The following KAZN variants were observed in gnomAD, a reference collection of about 807,000 sequenced individuals.
KAZN encodes kazrin, periplakin interacting protein.
Under a neutral mutation model 87.4 loss-of-function variants are expected in KAZN, and 40 were observed. The ratio of observed to expected loss-of-function variants is 0.46; its 90% CI spans 0.36 to 0.60. The LOEUF is 0.60. KAZN is among the 20% of genes least tolerant of loss of function. The pLI, the probability that KAZN is intolerant of heterozygous loss-of-function variation, is 0.00. For synonymous variants in KAZN, 466 were observed against 458.3 expected (o/e 1.02, Z -0.22); for missense variants, 898 against 1,073.9 (o/e 0.84, Z 2.29).
intron 2 of KAZN, among the ~76,000 whole-genome samples, chr1:14,246,015 A>T (rs1478932587): frequency 1.3e-5 from 2 of 152,232 alleles, no homozygotes; most frequent in Non-Finnish European, 2.9e-5. Flanking sequence ...AAGGAACAGG[A>T]TCATATTCTT....
intron 2 of KAZN, among the ~76,000 whole-genome samples, chr1:14,274,707 G>A (rs192316219): frequency 2.6e-5 from 4 of 152,310 alleles, no homozygotes; most frequent in Non-Finnish European, 5.9e-5. Flanking sequence ...CATATTAGCT[G>A]TGACGTGGGG....
intron 1 of KAZN, among the ~76,000 whole-genome samples, chr1:13,900,637 TC>T (rs1195403912): frequency 6.6e-6 from 1 of 152,162 alleles, no homozygotes; most frequent in African/African-American, 2.4e-5. Context: ...GACCTATTTG[TC>T]AGAGGCAGGG....
chr1:15,007,737 C>T lies in KAZN; in HGVS notation c.419-27012C>T, dbSNP rs138864579. On this transcript the variant is annotated intron_variant, in intron 2 of 14. Transcript: ENST00000376030. ...CCCGGCAAAGTGGGTATCTCCACAG[C>T]GGAGGAGACTGGGAACAGCGCACTC... 6.6e-4 allele frequency among the ~76,000 whole-genome samples: 101 copies of T among 152,318 alleles called. 2 individuals carry two copies. In the East Asian group the frequency reaches 0.019, roughly 28 times the overall value.
chr1:14,983,556 C>T (rs1666480057), intron 2 of KAZN, among the ~76,000 whole-genome samples: 1 of 145,586 alleles, frequency 6.9e-6, no homozygotes, highest in African/African-American at 2.6e-5. Flanking sequence ...TACCCTTTGA[C>T]TCATCACTGC....
chr1:14,598,763 T>C lies in KAZN; in HGVS notation c.-235T>C. 1 of 1,343,000 alleles carries C rather than the reference T, an allele frequency of 7.4e-7. No individual in the cohort carries two copies. The highest frequency in any genetic ancestry group is 1.5e-5 in the African/African-American group (1 of 64,624). The allele number at this position is 1,343,000 out of a possible 1,614,324, so 83.2% of individuals were successfully genotyped here. On this transcript the variant is annotated 5_prime_UTR_variant, in exon 1 of 15. Coordinates refer to ENST00000376030, the MANE Select transcript of KAZN (RefSeq NM_201628.3). The surrounding 1 kb of genome is among the most constrained non-coding windows in gnomAD (Gnocchi z 4.2). ...CCTCCTCCTCCTTCTCCTCCTCTTTTTTCTCCTCCGCCTCCTCCCCCCGCC... is the reference window on the plus strand; with the variant it reads ...CCTCCTCCTCCTTCTCCTCCTCTTTCTTCTCCTCCGCCTCCTCCCCCCGCC...
intron 2 of KAZN, among the ~76,000 whole-genome samples, chr1:14,386,979 A>G (rs1173830729): frequency 2.0e-5 from 3 of 152,140 alleles, no homozygotes; most frequent in Admixed American, 6.5e-5. Context: ...GTCTTTTCAC[A>G]TCGTCCCATA....
At chr1:14,272,930 G>T (rs901092574) in intron 2 of KAZN, among the ~76,000 whole-genome samples, 1 of 152,024 alleles carries the variant, frequency 6.6e-6, no homozygotes, top group Non-Finnish European at 1.5e-5. Flanking sequence ...CAGATTCAGA[G>T]AGATTCCAAA....
intron 1 of KAZN, among the ~76,000 whole-genome samples, chr1:14,128,725 G>A (rs535172604): frequency 5.3e-5 from 8 of 152,222 alleles, no homozygotes; most frequent in Admixed American, 2.6e-4. Flanking sequence ...GGGGGGTGAG[G>A]AGGGACATAT....
chr1:14,095,971 A>G (rs143999858), intron 1 of KAZN, among the ~76,000 whole-genome samples: 1 of 152,240 alleles, frequency 6.6e-6, no homozygotes, highest in East Asian at 1.9e-4. Context: ...TGCATAGGAG[A>G]GAGTTCTGAA....
At chr1:14,831,750 C>T (rs897329485) in intron 1 of KAZN, among the ~76,000 whole-genome samples, 3 of 152,160 alleles carry the variant, frequency 2.0e-5, no homozygotes, top group Admixed American at 6.5e-5. Flanking sequence ...AAATGACAAG[C>T]GACTGTGCTG....
chr1:14,072,314 CT>C (rs1643279423), intron 1 of KAZN, among the ~76,000 whole-genome samples: 2 of 152,100 alleles, frequency 1.3e-5, no homozygotes, highest in Non-Finnish European at 2.9e-5. Flanking sequence ...TTTGCTAGGG[CT>C]TTTTCATCTA....
rs149854826 is a variant in KAZN, at chr1:14,830,577, C to T, written c.227-130107C>T. Among the ~76,000 whole-genome samples, 16 of 152,234 alleles carry T rather than the reference C, an allele frequency of 1.1e-4. 1 individual carries two copies. The East Asian group carries it at 1.5e-3, about 15-fold the overall frequency. The stretch of plus-strand genomic sequence containing the variant: ...AGTTCTGCAGGCTGTACAAGAGGCA[C>T]GGCTGGGAGGCCTCAGGAAACTTAC... On this transcript the variant is annotated intron_variant, in intron 1 of 14. Coordinates refer to ENST00000376030, the MANE Select transcript of KAZN (RefSeq NM_201628.3).
At chr1:14,698,000 C>T (rs945725693) in intron 1 of KAZN, among the ~76,000 whole-genome samples, 3 of 152,172 alleles carry the variant, frequency 2.0e-5, no homozygotes, top group Admixed American at 6.5e-5. Context: ...AACTGAGTCT[C>T]CCTTCTCGGG....
intron 2 of KAZN, among the ~76,000 whole-genome samples, chr1:14,478,241 G>A (rs1157539874): frequency 1.5e-4 from 21 of 139,108 alleles, no homozygotes; most frequent in Non-Finnish European, 2.0e-4. Context: ...AGGAAGGAAG[G>A]AAGGAAAAGA....
intron 1 of KAZN, among the ~76,000 whole-genome samples, chr1:13,969,476 C>T (rs887657240): frequency 1.3e-5 from 2 of 152,134 alleles, no homozygotes; most frequent in African/African-American, 4.8e-5. Context: ...ACCAGCAAAC[C>T]ACTGGAAGCT....
intron 2 of KAZN, among the ~76,000 whole-genome samples, chr1:14,416,792 G>A (rs1214559686): frequency 1.3e-5 from 2 of 151,498 alleles, no homozygotes; most frequent in African/African-American, 4.9e-5. Context: ...AAGCAAAAAG[G>A]GAAAAAAAAC....
intron 1 of KAZN, among the ~76,000 whole-genome samples, chr1:13,911,009 G>A (rs571846943): frequency 6.6e-6 from 1 of 152,188 alleles, no homozygotes; most frequent in Non-Finnish European, 1.5e-5. Context: ...GGGAAGACAG[G>A]AACAAGAGAG....
chr1:14,910,061 TAATG>T (rs113826124), intron 1 of KAZN, among the ~76,000 whole-genome samples: 42 of 147,362 alleles, frequency 2.9e-4, no homozygotes, highest in South Asian at 8.9e-4. Flanking sequence ...AATAAATAAA[TAATG>T]AATGAATGAA....
intron 2 of KAZN, among the ~76,000 whole-genome samples, chr1:14,480,499 C>T (rs1669009941): frequency 6.7e-6 from 1 of 150,304 alleles, no homozygotes; most frequent in Non-Finnish European, 1.5e-5. Flanking sequence ...TTCTAAAAGG[C>T]CTTTACGTTG....
Sources: gnomAD v4.1 joint callset for allele counts (sites outside exome capture counted in the v4.1 genomes callset) on GRCh38, gnomAD v4.1.1 for gene constraint, Gnocchi (gnomAD v3.1) non-coding constraint, MANE v1.5 for transcripts, NCBI Gene and HGNC (gene_info 2026-07-23, HGNC 2026-07-21) for gene names.